The following SH3RF3 variants were observed in gnomAD, a reference collection of about 807,000 sequenced individuals.
SH3RF3 encodes the protein SH3 domain containing ring finger 3.
In SH3RF3, 29 loss-of-function variants were observed where a neutral mutation model predicts 66.3. The ratio of observed to expected loss-of-function variants is 0.44; its 90% CI spans 0.33 to 0.60. The LOEUF is 0.60. SH3RF3 is among the 20% of genes least tolerant of loss of function. The probability of loss-of-function intolerance (pLI) is 0.04; values close to 1 mark genes in which losing one functional copy is unlikely to be tolerated. For missense variants in SH3RF3, 1,194 were observed against 1,190.9 expected (o/e 1.00, Z -0.04); for synonymous variants, 583 against 532.0 (o/e 1.10, Z -1.32).
intron 4 of SH3RF3, 55 bp downstream of exon 4, chr2:109,398,998 C>G (rs1676232982): frequency 6.6e-7 from 1 of 1,515,560 alleles, no homozygotes. Flanking sequence ...GTTCTATCCT[C>G]AGCTCCGTGT....
chr2:109,325,934 T>G (rs1339469052), intron 1 of SH3RF3, among the ~76,000 whole-genome samples: 2 of 152,256 alleles, frequency 1.3e-5, no homozygotes, highest in Admixed American at 6.5e-5. Context: ...TCTTTCTGCT[T>G]TATTTTTAAT....
chr2:109,401,107 C>G (rs1337004615), intron 4 of SH3RF3, among the ~76,000 whole-genome samples: 1 of 152,198 alleles, frequency 6.6e-6, no homozygotes, highest in Non-Finnish European at 1.5e-5. Flanking sequence ...CTTATTCTTG[C>G]TCAAACATCC....
At chr2:109,369,104 G>A (rs1683208972) in intron 2 of SH3RF3, among the ~76,000 whole-genome samples, 1 of 152,102 alleles carries the variant, frequency 6.6e-6, no homozygotes, top group Non-Finnish European at 1.5e-5. Flanking sequence ...CAGCACTTTG[G>A]GAGGCCGAGG....
chr2:109,168,916 G>GA (rs1483879938), intron 1 of SH3RF3, among the ~76,000 whole-genome samples: 7 of 152,192 alleles, frequency 4.6e-5, no homozygotes, highest in Non-Finnish European at 8.8e-5. Context: ...CAGGACTCCT[G>GA]AGCCAAACCT....
chr2:109,472,301 G>A (rs1010034559), intron 8 of SH3RF3, among the ~76,000 whole-genome samples: 6 of 152,014 alleles, frequency 3.9e-5, no homozygotes, highest in Admixed American at 3.9e-4. Flanking sequence ...GAGAGGACCC[G>A]GCCAGGGGCC....
intron 4 of SH3RF3, among the ~76,000 whole-genome samples, chr2:109,405,886 T>C (rs1346669661): frequency 1.3e-5 from 2 of 152,210 alleles, no homozygotes; most frequent in Non-Finnish European, 2.9e-5. Context: ...CACGCTAGCT[T>C]CCTTGTTGGG....
intron 8 of SH3RF3, among the ~76,000 whole-genome samples, chr2:109,480,694 G>A (rs1660763294): frequency 6.6e-6 from 1 of 152,106 alleles, no homozygotes; most frequent in African/African-American, 2.4e-5. Flanking sequence ...AGCACACTGG[G>A]TACAGGCTCC....
At chr2:109,273,237 T>G (rs1680669218) in intron 1 of SH3RF3, among the ~76,000 whole-genome samples, 1 of 152,240 alleles carries the variant, frequency 6.6e-6, no homozygotes, top group Admixed American at 6.5e-5. Flanking sequence ...TGTTCAGTGC[T>G]GCCTGCCAGG....
At chr2:109,199,330 A>G (rs113908244) in intron 1 of SH3RF3, among the ~76,000 whole-genome samples, 1 of 150,584 alleles carries the variant, frequency 6.6e-6, no homozygotes, top group East Asian at 1.9e-4. Flanking sequence ...TCAAAAAGTA[A>G]AATGGAATGG....
intron 1 of SH3RF3, among the ~76,000 whole-genome samples, chr2:109,207,029 G>T (rs533843242): frequency 3.3e-5 from 5 of 152,230 alleles, no homozygotes; most frequent in African/African-American, 9.6e-5. Flanking sequence ...AACCACTCAG[G>T]GCCTGAGGCA....
intron 1 of SH3RF3, among the ~76,000 whole-genome samples, chr2:109,249,534 TCCTTCCTTCCTTCCTTCC>T (rs1680021492): frequency 9.2e-6 from 1 of 108,968 alleles, no homozygotes; most frequent in Non-Finnish European, 1.9e-5. Context: ...TTTCTTTCTT[TCCTTCCTTCCTTCCTTCC>T]TTCCTTCCTT....
At chr2:109,338,804 C>T (rs957143463) in intron 1 of SH3RF3, among the ~76,000 whole-genome samples, 7 of 152,118 alleles carry the variant, frequency 4.6e-5, no homozygotes, top group African/African-American at 9.7e-5. Flanking sequence ...GTGATCCACC[C>T]GCCTCGGCCT....
intron 8 of SH3RF3, among the ~76,000 whole-genome samples, chr2:109,488,208 G>A (rs1413610670): frequency 6.6e-6 from 1 of 152,182 alleles, no homozygotes; most frequent in Non-Finnish European, 1.5e-5. Flanking sequence ...TAGCACTGAT[G>A]ACATTTGAGG....
chr2:109,407,107 G>A (rs1573226898), intron 4 of SH3RF3, among the ~76,000 whole-genome samples: 1 of 152,230 alleles, frequency 6.6e-6, no homozygotes, highest in East Asian at 1.9e-4. Flanking sequence ...CCTCTGGGCA[G>A]GGGCTCTTGC....
intron 1 of SH3RF3, among the ~76,000 whole-genome samples, chr2:109,177,298 T>TGG (rs1228044871): frequency 2.4e-4 from 36 of 152,282 alleles, no homozygotes; most frequent in African/African-American, 8.7e-4. Flanking sequence ...AGGAGCCCAA[T>TGG]GCATGGTGAT....
chr2:109,129,616 A>T lies in SH3RF3; in HGVS notation c.76A>T (p.Arg26Trp). 6.7e-7 allele frequency: 1 copy of T among 1,482,038 alleles called. No homozygotes were observed. The highest frequency in any genetic ancestry group is 1.3e-5 in the South Asian group (1 of 76,608). 91.8% of individuals were successfully genotyped at this position (1,482,038 alleles called of 1,614,324 possible). The stretch of plus-strand genomic sequence containing the variant: ...TGCGCAGAGCGAGGGCGACGAGGAC[A>T]GGCCAGGCGAGCGACGGCGGCGTCG... ...AAAQSEGDED[R>W]PGERRRRRAA... The change falls in exon 1 of 10, where the codon AGG (arginine) becomes TGG (tryptophan). Residue 26 changes from arginine (R) to tryptophan (W), a missense_variant. Coordinates refer to ENST00000309415, the MANE Select transcript of SH3RF3 (RefSeq NM_001099289.3).
At chr2:109,460,431 C>T (rs916442581) in intron 8 of SH3RF3, among the ~76,000 whole-genome samples, 2 of 152,100 alleles carry the variant, frequency 1.3e-5, no homozygotes, top group South Asian at 2.1e-4. Flanking sequence ...CAGTGGTAGT[C>T]GTAGCCAGGT....
At chr2:109,253,971 G>T (rs1319506598) in intron 1 of SH3RF3, among the ~76,000 whole-genome samples, 1 of 151,756 alleles carries the variant, frequency 6.6e-6, no homozygotes, top group African/African-American at 2.4e-5. Flanking sequence ...TTGGGAATGG[G>T]GCCTGGCCCC....
chr2:109,455,874 C>CTGGG (rs1678040096), intron 8 of SH3RF3, among the ~76,000 whole-genome samples: 1 of 152,200 alleles, frequency 6.6e-6, no homozygotes, highest in African/African-American at 2.4e-5. Flanking sequence ...TCCCACCAAC[C>CTGGG]AGGGTGGGGA....
Sources: gnomAD v4.1 joint callset for allele counts (sites outside exome capture counted in the v4.1 genomes callset) on GRCh38, gnomAD v4.1.1 for gene constraint, MANE v1.5 for transcripts, NCBI Gene and HGNC (gene_info 2026-07-23, HGNC 2026-07-21) for gene names.